SAMMSON: variants seen among roughly 807,000 people sequenced by gnomAD.
SAMMSON encodes the protein survival associated mitochondrial melanoma specific oncogenic non-coding RNA.
intron 4 of SAMMSON, among the ~76,000 whole-genome samples, chr3:70,187,508 A>G (rs1358947078): frequency 7.8e-6 from 1 of 128,438 alleles, no homozygotes; most frequent in Admixed American, 9.8e-5. Context: ...CGCGATCTCG[A>G]CTCACTGCAA....
chr3:70,040,584 CTAA>C (rs2107586389), intron 3 of SAMMSON, among the ~76,000 whole-genome samples: 1 of 152,242 alleles, frequency 6.6e-6, no homozygotes, highest in African/African-American at 2.4e-5. Flanking sequence ...CTCCGGGAAT[CTAA>C]AATCATGAGT....
chr3:70,259,819 C>T (rs1230029497), intron 6 of SAMMSON, among the ~76,000 whole-genome samples: 1 of 152,098 alleles, frequency 6.6e-6, no homozygotes, highest in African/African-American at 2.4e-5. Flanking sequence ...GTTTGATTGA[C>T]TCACAGTTCA....
At chr3:70,033,429 G>T (rs2067072642) in intron 3 of SAMMSON, among the ~76,000 whole-genome samples, 1 of 152,102 alleles carries the variant, frequency 6.6e-6, no homozygotes, top group African/African-American at 2.4e-5. Context: ...ACATCACCAA[G>T]AACCATGGGG....
intron 4 of SAMMSON, among the ~76,000 whole-genome samples, chr3:70,084,366 G>A (rs1356794684): frequency 1.3e-5 from 2 of 152,198 alleles, no homozygotes; most frequent in African/African-American, 4.8e-5. Context: ...AATTAACAGA[G>A]CTAAGAAAAT....
chr3:70,026,327 G>A (rs1175608272), intron 3 of SAMMSON, among the ~76,000 whole-genome samples: 1 of 152,066 alleles, frequency 6.6e-6, no homozygotes, highest in Non-Finnish European at 1.5e-5. Flanking sequence ...CAGTTTGAAG[G>A]TCAGGAATTA....
At chr3:70,394,263 C>A (rs1442739675), downstream of SAMMSON, among the ~76,000 whole-genome samples, 1 of 152,128 alleles carries the variant, frequency 6.6e-6, no homozygotes, top group Non-Finnish European at 1.5e-5. Context: ...TGTGTTGGGT[C>A]AACTTGGATG....
At chr3:70,366,546 TCCA>T (rs1246089063) in intron 9 of SAMMSON, among the ~76,000 whole-genome samples, 1 of 145,260 alleles carries the variant, frequency 6.9e-6, no homozygotes. Flanking sequence ...TGAATAATAT[TCCA>T]CAGTATGGAT....
intron 4 of SAMMSON, among the ~76,000 whole-genome samples, chr3:70,102,152 T>A (rs1035712034): frequency 1.3e-5 from 2 of 152,148 alleles, no homozygotes; most frequent in African/African-American, 4.8e-5. Context: ...CATCTTAGTC[T>A]TATCTGAATT....
chr3:70,291,243 G>C (rs972605845), exon 7 of SAMMSON: 1 of 152,084 alleles, frequency 6.6e-6, no homozygotes, highest in African/African-American at 2.4e-5. Flanking sequence ...ATTGACCTCA[G>C]GTAAGTTACA....
chr3:70,302,394 G>C lies in SAMMSON; in HGVS notation n.739+11151G>C, dbSNP rs552007667. Among the ~76,000 whole-genome samples, 4 of 152,160 alleles carry C rather than the reference G, an allele frequency of 2.6e-5. No homozygotes were observed. The South Asian group carries it at 8.3e-4, about 32-fold the overall frequency. ...TATAAAAGTAAAGTATCTCTTTGTA[G>C]AATTTACTAGAAATGGAATGTCCTT... On this transcript the variant is annotated intron_variant and non_coding_transcript_variant, in intron 7 of 9. Transcript: ENST00000642114.
intron 4 of SAMMSON, chr3:70,126,427 C>T (rs2067459200): frequency 1.4e-6 from 1 of 727,558 alleles, no homozygotes; most frequent in Non-Finnish European, 2.5e-6. Flanking sequence ...GTTTCAGCTG[C>T]CCCTTATCTG....
chr3:70,267,394 C>CTTTTTTTTTTTTTTTT (rs9310185), intron 6 of SAMMSON, among the ~76,000 whole-genome samples: 1 of 74,844 alleles, frequency 1.3e-5, no homozygotes, highest in Non-Finnish European at 2.3e-5. Context: ...TTTTTAATAG[C>CTTTTTTTTTTTTTTTT]TTTTTTTTTT....
intron 9 of SAMMSON, among the ~76,000 whole-genome samples, chr3:70,378,011 C>T (rs942120011): frequency 4.0e-5 from 6 of 151,794 alleles, no homozygotes; most frequent in African/African-American, 1.2e-4. Context: ...TTGGTATACA[C>T]GTTAAAAAGG....
intron 4 of SAMMSON, among the ~76,000 whole-genome samples, chr3:70,168,660 C>T (rs1230352359): frequency 1.3e-5 from 2 of 151,932 alleles, no homozygotes; most frequent in African/African-American, 4.8e-5. Context: ...CTAATGTTTC[C>T]ATATCAATAC....
At chr3:70,179,661 A>G (rs151061962) in intron 4 of SAMMSON, among the ~76,000 whole-genome samples, 26 of 152,332 alleles carry the variant, frequency 1.7e-4, no homozygotes, top group African/African-American at 5.3e-4. Context: ...TTTCCTTCTA[A>G]GCAAGTCTGT....
chr3:70,254,183 A>G (rs552533073), intron 6 of SAMMSON, among the ~76,000 whole-genome samples: 28 of 152,278 alleles, frequency 1.8e-4, no homozygotes, highest in Middle Eastern at 3.4e-3. Flanking sequence ...TAGTAATGAT[A>G]AAACATTAGT....
At chr3:70,280,773 A>G (rs1398857900) in intron 6 of SAMMSON, among the ~76,000 whole-genome samples, 1 of 152,144 alleles carries the variant, frequency 6.6e-6, no homozygotes, top group Admixed American at 6.6e-5. Context: ...CCGGCCATAG[A>G]GACATGATCT....
chr3:70,019,873 T>C (rs1424577876), intron 3 of SAMMSON, among the ~76,000 whole-genome samples: 1 of 152,188 alleles, frequency 6.6e-6, no homozygotes, highest in African/African-American at 2.4e-5. Flanking sequence ...CCTGTTTGGC[T>C]TTGTTTGACA....
At chr3:70,046,923 G>GTT (rs2067129151) in intron 3 of SAMMSON, among the ~76,000 whole-genome samples, 1 of 152,008 alleles carries the variant, frequency 6.6e-6, no homozygotes, top group Non-Finnish European at 1.5e-5. Flanking sequence ...CATCATCAGG[G>GTT]AAAGGCCTTG....
Sources: gnomAD v4.1 joint callset for allele counts (sites outside exome capture counted in the v4.1 genomes callset) on GRCh38, gnomAD v4.1.1 for gene constraint, MANE v1.5 for transcripts, NCBI Gene and HGNC (gene_info 2026-07-23, HGNC 2026-07-21) for gene names.